LAMB4: variants seen among roughly 807,000 people sequenced by gnomAD.
The protein encoded by LAMB4 is laminin subunit beta 4, also known as laminin subunit beta-4.
Under a neutral mutation model 199.2 loss-of-function variants are expected in LAMB4, and 196 were observed. The ratio of observed to expected loss-of-function variants is 0.98; its 90% confidence interval spans 0.88 to 1.11. LAMB4 has a LOEUF of 1.11. Ranked by LOEUF, LAMB4 falls within the 50% of genes least tolerant of loss-of-function variation. The pLI, the probability that LAMB4 is intolerant of heterozygous loss-of-function variation, is 0.00. For synonymous variants in LAMB4, 744 were observed against 770.6 expected, an observed-to-expected ratio of 0.97 and a Z score of 0.57; for missense variants, 2,080 against 2,171.2, an observed-to-expected ratio of 0.96 and a Z score of 0.83.
Position 108,111,965 on chromosome 7 carries a change from A to G in LAMB4, c.193-19T>C, listed in dbSNP as rs747469347. On this transcript the variant is annotated intron_variant, in intron 3 of 33. Coordinates refer to ENST00000388781, the MANE Select transcript of LAMB4 (RefSeq NM_007356.3). ...GTTCCCCCTGGAAAACACCATTATTAAAATTAAAAATAAAAATTGGAATTA... is the reference window on the plus strand; with the variant it reads ...GTTCCCCCTGGAAAACACCATTATTGAAATTAAAAATAAAAATTGGAATTA... The G allele has an allele frequency of 6.3e-7, 1 of 1,577,888 alleles. No individual in the cohort carries two copies. The highest frequency in any genetic ancestry group is 1.2e-5 in the South Asian group (1 of 83,788).
At chr7:108,115,680 T>A (rs2038378703) in intron 3 of LAMB4, among the ~76,000 whole-genome samples, 1 of 152,200 alleles carries the variant, frequency 6.6e-6, no homozygotes, top group Non-Finnish European at 1.5e-5. Context: ...TGTAGTGTAA[T>A]AATTATTTAC....
chr7:108,034,370 A>T, intron 30 of LAMB4, 24 bp from the exon 31 acceptor site: 17 of 1,543,598 alleles, frequency 1.1e-5, no homozygotes, highest in Non-Finnish European at 1.5e-5. Context: ...TTAACATATC[A>T]GATTAGATAA....
chr7:108,057,882 C>T lies in LAMB4; in HGVS notation c.3329G>A (p.Cys1110Tyr). 6.2e-7 allele frequency: 1 copy of T among 1,613,530 alleles called. No homozygotes were observed. Among genetic ancestry groups the T allele is most frequent in the Non-Finnish European group, 8.5e-7 (1 of 1,179,744 alleles). ...ATAATAATTTTCCTGGCACTCACTG[C>T]AACGTTTCCCGCCGTAACCTAATTT... ...PCKLGYGGKR[C>Y]SECQENYYGD... Residue 1110 changes from cysteine (C) to tyrosine (Y), a missense_variant, in exon 24 of 34, where the codon TGC (cysteine) becomes TAC (tyrosine). Cys to Tyr is a radical substitution (Grantham distance 194). Coordinates refer to ENST00000388781, the MANE Select transcript of LAMB4 (RefSeq NM_007356.3).
intron 15 of LAMB4, among the ~76,000 whole-genome samples, chr7:108,079,114 T>A (rs1299904215): frequency 6.6e-6 from 1 of 152,208 alleles, no homozygotes; most frequent in Non-Finnish European, 1.5e-5. Flanking sequence ...GTTTTAGATA[T>A]TTCTTAAAAG....
the LAMB4 span, among the ~76,000 whole-genome samples, chr7:108,013,638 T>A: frequency 6.6e-6 from 1 of 152,134 alleles, no homozygotes. Flanking sequence ...TTAGCATAAA[T>A]TATAATCGGG....
At chr7:108,087,731 A>AC (rs57569215) in intron 14 of LAMB4, among the ~76,000 whole-genome samples, 61,477 of 152,062 alleles carry the variant, frequency 0.4, 12,748 homozygotes, top group East Asian at 0.58. Context: ...ACTCCTCAGC[A>AC]TTTACCTCTC....
At chr7:108,055,536 G>T in intron 25 of LAMB4, 96 bp downstream of exon 25, 1 of 1,282,638 alleles carries the variant, frequency 7.8e-7, no homozygotes, top group Non-Finnish European at 1.1e-6. Context: ...GTCAACATAG[G>T]TACATTTCTA....
At chr7:108,113,728 G>T (rs1393728600) in intron 3 of LAMB4, among the ~76,000 whole-genome samples, 1 of 152,160 alleles carries the variant, frequency 6.6e-6, no homozygotes, top group Non-Finnish European at 1.5e-5. Context: ...GGCTTCAGAG[G>T]ATGCTAAGTT....
chr7:108,101,359 A>G (rs1396339139), intron 10 of LAMB4, among the ~76,000 whole-genome samples: 1 of 152,202 alleles, frequency 6.6e-6, no homozygotes, highest in Non-Finnish European at 1.5e-5. Context: ...TAAAGCAATG[A>G]ATCCTCCAAG....
chr7:108,119,290 G>T (rs149513411), intron 2 of LAMB4, among the ~76,000 whole-genome samples: 1 of 152,130 alleles, frequency 6.6e-6, no homozygotes, highest in Non-Finnish European at 1.5e-5. Flanking sequence ...AGTATTTATC[G>T]CAGAGAAATT....
chr7:108,097,794 T>G (rs747203302), intron 11 of LAMB4, among the ~76,000 whole-genome samples: 2 of 152,194 alleles, frequency 1.3e-5, no homozygotes, highest in Non-Finnish European at 2.9e-5. Context: ...AAACACATAA[T>G]GTAATTTAAT....
intron 17 of LAMB4, among the ~76,000 whole-genome samples, chr7:108,076,523 G>A (rs2036709481): frequency 6.6e-6 from 1 of 152,262 alleles, no homozygotes; most frequent in South Asian, 2.1e-4. Flanking sequence ...ATGGGAACTT[G>A]GAAAATGATA....
chr7:108,098,428 G>C lies in LAMB4; in HGVS notation c.1335C>G (p.Ser445Arg). The C allele has an allele frequency of 1.2e-5, 19 of 1,529,550 alleles. No individual in the cohort carries two copies. Among genetic ancestry groups the C allele is most frequent in the Non-Finnish European group, 1.7e-5 (19 of 1,138,124 alleles). The allele number at this position is 1,529,550 out of a possible 1,614,324, so 94.7% of individuals were successfully genotyped here. A position where few individuals can be genotyped will look rare whatever the true frequency, so the allele number is the denominator to read the frequency against. The change falls in exon 11 of 34, where the codon AGC (serine) becomes AGG (arginine). Residue 445 changes from serine to arginine, a missense_variant. By Grantham distance (110) the Ser-to-Arg change is moderately radical. Transcript: ENST00000388781. ...GCTGGCAGCCCAGGGGGTCGGTGGC[G>C]CTTAGTCCGTAGTGGTTGGGTTTGC... The part of the protein sequence containing the change: ...DQCKPNHYGL[S>R]ATDPLGCQPC...
At chr7:108,124,571 A>T (rs545137654) in intron 1 of LAMB4, among the ~76,000 whole-genome samples, 1 of 152,254 alleles carries the variant, frequency 6.6e-6, no homozygotes, top group South Asian at 2.1e-4. Context: ...AGTTTGTTCC[A>T]ATTTACACTC....
At chr7:108,120,301 C>T (rs868315303) in intron 2 of LAMB4, among the ~76,000 whole-genome samples, 5 of 152,128 alleles carry the variant, frequency 3.3e-5, no homozygotes, top group Admixed American at 6.5e-5. Context: ...TGTTATTTCT[C>T]TTACTTAAAC....
intron 4 of LAMB4, among the ~76,000 whole-genome samples, chr7:108,110,074 G>T (rs1394570462): frequency 6.6e-6 from 1 of 152,186 alleles, no homozygotes; most frequent in South Asian, 2.1e-4. Flanking sequence ...CTGTCCCCCA[G>T]ACTGGAGTGC....
intron 25 of LAMB4, among the ~76,000 whole-genome samples, chr7:108,052,755 G>A (rs1279214365): frequency 6.6e-6 from 1 of 152,184 alleles, no homozygotes; most frequent in Non-Finnish European, 1.5e-5. Flanking sequence ...TTCCATTAGT[G>A]ACAGGGAGGT....
chr7:108,013,908 G>A, the LAMB4 span, among the ~76,000 whole-genome samples: 53 of 152,228 alleles, frequency 3.5e-4, no homozygotes, highest in East Asian at 9.6e-3. Context: ...ATTTAAAAGG[G>A]TATGTGTGGT....
chr7:108,045,938 CAT>C (rs1491133108), intron 28 of LAMB4, among the ~76,000 whole-genome samples: 1 of 151,666 alleles, frequency 6.6e-6, no homozygotes, highest in Non-Finnish European at 1.5e-5. Flanking sequence ...TGTGTGTGTG[CAT>C]GTGTGTGTGT....
Sources: allele counts gnomAD v4.1 joint callset (sites outside exome capture counted in the v4.1 genomes callset), GRCh38; gene constraint gnomAD v4.1.1; transcripts MANE v1.5; gene names NCBI Gene and HGNC (gene_info 2026-07-23, HGNC 2026-07-21).